Variants in CNTNAP2 observed in about 807,000 individuals in gnomAD.
The protein encoded by CNTNAP2 is contactin associated protein 2.
CNTNAP2 carries 98 observed loss-of-function variants against 155.2 expected under a neutral mutation model. The observed-to-expected ratio is 0.63, with a 90% confidence interval of 0.54 to 0.75. CNTNAP2 has a LOEUF of 0.75. Among genes scored for constraint, CNTNAP2 ranks in the 30% least tolerant of loss-of-function variants. The pLI, the probability that CNTNAP2 is intolerant of heterozygous loss-of-function variation, is 0.00. For missense variants in CNTNAP2, 1,727 were observed against 1,688.1 expected (o/e 1.02, Z -0.40); for synonymous variants, 651 against 631.2 (o/e 1.03, Z -0.47).
intron 18 of CNTNAP2, among the ~76,000 whole-genome samples, chr7:148,208,071 A>G (rs557271725): frequency 6.7e-6 from 1 of 148,822 alleles, no homozygotes; most frequent in East Asian, 2.0e-4. Context: ...CCTGGGCGAC[A>G]GAGCGAGACT....
At chr7:147,013,015 T>C (rs1194611245) in intron 3 of CNTNAP2, among the ~76,000 whole-genome samples, 3 of 152,108 alleles carry the variant, frequency 2.0e-5, no homozygotes, top group Admixed American at 2.0e-4. Flanking sequence ...AAAGTTCTTT[T>C]AAAACCATTT....
chr7:146,470,345 T>TAA (rs1294541286), intron 1 of CNTNAP2, among the ~76,000 whole-genome samples: 1 of 151,950 alleles, frequency 6.6e-6, no homozygotes, highest in Non-Finnish European at 1.5e-5. Context: ...AAAGAAAAAA[T>TAA]AAAGAGATAA....
In CNTNAP2 at chr7:146,767,554, A is replaced by G. The variant is rs531409359; in HGVS notation, c.98-6717A>G. Among the ~76,000 whole-genome samples the G allele has an allele frequency of 3.6e-4, 55 of 152,282 alleles. 1 individual carries two copies. Among genetic ancestry groups the G allele is most frequent in the African/African-American group, 1.3e-3 (52 of 41,588 alleles). ...TTCTACAGGAGCAAGAGAAAGATGT[A>G]TCTTATTTTCAATAGCAAAGAGTAG... On this transcript the variant is annotated intron_variant, in intron 1 of 23. Coordinates refer to ENST00000361727, the MANE Select transcript of CNTNAP2 (RefSeq NM_014141.6).
intron 8 of CNTNAP2, among the ~76,000 whole-genome samples, chr7:147,192,694 A>G (rs960962722): frequency 6.6e-6 from 1 of 152,064 alleles, no homozygotes; most frequent in African/African-American, 2.4e-5. Context: ...CAAATTCCTC[A>G]GAGTACTTGT....
chr7:146,933,776 CA>C (rs1203313585), intron 3 of CNTNAP2, among the ~76,000 whole-genome samples: 1 of 152,012 alleles, frequency 6.6e-6, no homozygotes. Context: ...AAAAAGTGGG[CA>C]AAGGACATGA....
intron 12 of CNTNAP2, among the ~76,000 whole-genome samples, chr7:147,565,187 G>A (rs2116795832): frequency 6.6e-6 from 1 of 152,240 alleles, no homozygotes. Flanking sequence ...GTGAAGAAGA[G>A]AAATGAGCCA....
chr7:146,447,137 C>T (rs1027100881), intron 1 of CNTNAP2, among the ~76,000 whole-genome samples: 1 of 151,966 alleles, frequency 6.6e-6, no homozygotes, highest in African/African-American at 2.4e-5. Context: ...TAATATACTT[C>T]TGCTAGATTT....
intron 1 of CNTNAP2, among the ~76,000 whole-genome samples, chr7:146,232,107 G>C (rs147356426): frequency 6.6e-6 from 1 of 151,872 alleles, no homozygotes. Context: ...CATGGCCCTG[G>C]GTCTGGACTT....
intron 18 of CNTNAP2, among the ~76,000 whole-genome samples, chr7:148,216,704 T>G (rs996128147): frequency 6.6e-6 from 1 of 152,244 alleles, no homozygotes; most frequent in Non-Finnish European, 1.5e-5. Context: ...TTTACTATTT[T>G]TTTAATTTTA....
chr7:148,124,796 T>C (rs1310201849), intron 16 of CNTNAP2, among the ~76,000 whole-genome samples: 1 of 152,056 alleles, frequency 6.6e-6, no homozygotes, highest in African/African-American at 2.4e-5. Context: ...AATAAGTAAA[T>C]TACAATGATA....
chr7:146,581,185 A>G (rs1798606030), intron 1 of CNTNAP2, among the ~76,000 whole-genome samples: 2 of 152,120 alleles, frequency 1.3e-5, no homozygotes, highest in South Asian at 4.1e-4. Flanking sequence ...TCAGAATGGT[A>G]AATTATTCTT....
intron 15 of CNTNAP2, among the ~76,000 whole-genome samples, chr7:148,006,095 T>C (rs530049719): frequency 6.6e-6 from 1 of 152,186 alleles, no homozygotes; most frequent in South Asian, 2.1e-4. Flanking sequence ...ATGAACCCAT[T>C]ACTAACAAAT....
chr7:148,014,715 A>T (rs938916420), intron 15 of CNTNAP2, among the ~76,000 whole-genome samples: 3 of 152,242 alleles, frequency 2.0e-5, no homozygotes, highest in African/African-American at 7.2e-5. Context: ...ATCACTGAGA[A>T]TCCACTCAGT....
intron 13 of CNTNAP2, among the ~76,000 whole-genome samples, chr7:147,674,720 A>G (rs147904331): frequency 6.6e-6 from 1 of 152,232 alleles, no homozygotes; most frequent in East Asian, 1.9e-4. Flanking sequence ...TGTCCATAGA[A>G]TTTATTCCTT....
intron 1 of CNTNAP2, among the ~76,000 whole-genome samples, chr7:146,732,037 G>A (rs1169800394): frequency 1.3e-5 from 2 of 152,052 alleles, no homozygotes; most frequent in African/African-American, 4.8e-5. Flanking sequence ...CCTATCATAT[G>A]CTGAGGAATT....
At chr7:146,729,217 C>T (rs1004674159) in intron 1 of CNTNAP2, among the ~76,000 whole-genome samples, 2 of 152,126 alleles carry the variant, frequency 1.3e-5, no homozygotes, top group African/African-American at 2.4e-5. Context: ...CTCACCACCT[C>T]CAGGGAGTAG....
At chr7:146,792,854 G>A (rs1802698765) in intron 2 of CNTNAP2, among the ~76,000 whole-genome samples, 1 of 151,756 alleles carries the variant, frequency 6.6e-6, no homozygotes, top group South Asian at 2.1e-4. Context: ...TTTTTGAAGG[G>A]GCATCAATAA....
chr7:147,751,731 G>A (rs1797139242), intron 13 of CNTNAP2, among the ~76,000 whole-genome samples: 2 of 152,160 alleles, frequency 1.3e-5, no homozygotes, highest in Admixed American at 1.3e-4. Context: ...TCACAGCCCC[G>A]AACTTGGATA....
At chr7:147,573,854 C>A (rs554568641) in intron 12 of CNTNAP2, among the ~76,000 whole-genome samples, 4 of 152,034 alleles carry the variant, frequency 2.6e-5, no homozygotes, top group African/African-American at 9.6e-5. Context: ...TTAATTTTAC[C>A]CTCTAATGTG....
Sources: gnomAD v4.1 joint callset for allele counts (sites outside exome capture counted in the v4.1 genomes callset) on GRCh38, gnomAD v4.1.1 for gene constraint, MANE v1.5 for transcripts, NCBI Gene and HGNC (gene_info 2026-07-23, HGNC 2026-07-21) for gene names.